PLCB4: variants seen among roughly 807,000 people sequenced by gnomAD.
The protein encoded by PLCB4 is phospholipase C beta 4, also known as 1-phosphatidylinositol 4,5-bisphosphate phosphodiesterase beta-4.
A neutral mutation model predicts 178.8 loss-of-function variants in PLCB4; 77 were observed. The observed-to-expected ratio is 0.43, with a 90% CI of 0.36 to 0.52. The LOEUF (loss-of-function observed/expected upper bound fraction) is 0.52. PLCB4 is among the 20% of genes least tolerant of loss of function. The pLI is 0.00. For missense variants in PLCB4, 1,024 were observed against 1,453.4 expected, an observed-to-expected ratio of 0.70 and a Z score of 4.80; for synonymous variants, 496 against 490.8, an observed-to-expected ratio of 1.01 and a Z score of -0.14.
At chr20:9,083,016 T>C (rs907679801) in intron 1 of PLCB4, among the ~76,000 whole-genome samples, 3 of 152,182 alleles carry the variant, frequency 2.0e-5, no homozygotes, top group Admixed American at 1.3e-4. Context: ...TCCATAAAGA[T>C]TGATGATCAG....
At chr20:9,166,545 C>G (rs1306885108) in intron 2 of PLCB4, 1 of 152,156 alleles carries the variant, frequency 6.6e-6, no homozygotes, top group African/African-American at 2.4e-5. Flanking sequence ...CCGGCTAATT[C>G]ATCCCGAGGC....
chr20:9,348,907 A>G (rs2148142822), intron 7 of PLCB4, among the ~76,000 whole-genome samples: 1 of 152,292 alleles, frequency 6.6e-6, no homozygotes, highest in South Asian at 2.1e-4. Flanking sequence ...CTGCAGCTGC[A>G]CTGACCATGT....
chr20:9,366,238 GA>G (rs35263693), intron 9 of PLCB4, among the ~76,000 whole-genome samples: 13 of 147,678 alleles, frequency 8.8e-5, no homozygotes, highest in African/African-American at 2.2e-4. Flanking sequence ...AATACAAAAA[GA>G]AAAAAAAAAT....
At chr20:9,214,180 T>C (rs1043148564) in intron 2 of PLCB4, among the ~76,000 whole-genome samples, 1 of 152,228 alleles carries the variant, frequency 6.6e-6, no homozygotes, top group Admixed American at 6.5e-5. Flanking sequence ...GAAACCATTG[T>C]TCTGGTCACA....
At chr20:9,395,761 C>G in intron 19 of PLCB4, 143 bp downstream of exon 19, 1 of 562,270 alleles carries the variant, frequency 1.8e-6, no homozygotes, top group Admixed American at 2.9e-5. Flanking sequence ...CCCAGGAGTT[C>G]AAGACCAGCC....
intron 1 of PLCB4, among the ~76,000 whole-genome samples, chr20:9,087,639 C>G (rs1336526532): frequency 6.6e-6 from 1 of 152,174 alleles, no homozygotes; most frequent in East Asian, 1.9e-4. Flanking sequence ...TTTAACTCTC[C>G]TCTCTTCCTC....
At chr20:9,148,994 G>C (rs1200267334) in intron 2 of PLCB4, among the ~76,000 whole-genome samples, 3 of 152,162 alleles carry the variant, frequency 2.0e-5, no homozygotes, top group East Asian at 3.9e-4. Flanking sequence ...AGACAGATCT[G>C]CTTTCTAAAT....
rs572789403 is a variant in PLCB4 at position 9,151,420 on chromosome 20, T to A, written c.-79+55078T>A. Among the ~76,000 whole-genome samples, 60 of 152,228 alleles carry A rather than the reference T, an allele frequency of 3.9e-4. No individual in the cohort carries two copies. In the South Asian group the frequency reaches 0.011, roughly 27 times the overall value. On this transcript the variant is annotated intron_variant, in intron 2 of 39. Transcript: ENST00000378473. ...TTTTATCACCCAGAATTCCCACATG[T>A]GGTGGGAGGGACCCAGGGGGAGGTA...
Position 9,361,094 on chromosome 20 carries a change from C to T in PLCB4, c.370-1802C>T, listed in dbSNP as rs138523017. Among the ~76,000 whole-genome samples, 122 of 152,110 alleles carry T rather than the reference C, an allele frequency of 8.0e-4. 1 individual carries two copies. Among genetic ancestry groups the T allele is most frequent in the African/African-American group, 2.7e-3 (112 of 41,490 alleles). On this transcript the variant is annotated intron_variant, in intron 7 of 39. Coordinates refer to ENST00000378473, the MANE Select transcript of PLCB4 (RefSeq NM_001377142.1). The stretch of plus-strand genomic sequence containing the variant: ...TGGTGGGGGAAAAATGGTATGGCCA[C>T]GATGAAAAACAGTATGGTATTTCCT...
At chr20:9,316,456 G>A (rs2094899959) in intron 4 of PLCB4, among the ~76,000 whole-genome samples, 1 of 152,178 alleles carries the variant, frequency 6.6e-6, no homozygotes, top group Non-Finnish European at 1.5e-5. Context: ...CCGTACAAAG[G>A]ATGATTCGTA....
intron 2 of PLCB4, among the ~76,000 whole-genome samples, chr20:9,128,677 C>T (rs6118501): frequency 9.6e-4 from 146 of 152,312 alleles, no homozygotes; most frequent in African/African-American, 3.3e-3. Context: ...CATGAGCCAC[C>T]GCACCCAGCC....
At chr20:9,200,973 GC>G (rs2093536888) in intron 2 of PLCB4, among the ~76,000 whole-genome samples, 1 of 152,178 alleles carries the variant, frequency 6.6e-6, no homozygotes, top group South Asian at 2.1e-4. Context: ...GATAAGGAAT[GC>G]ATAAAATGAT....
intron 3 of PLCB4, among the ~76,000 whole-genome samples, chr20:9,264,721 T>A (rs763493075): frequency 2.0e-5 from 3 of 152,218 alleles, no homozygotes; most frequent in Non-Finnish European, 4.4e-5. Context: ...GTACTGTTTC[T>A]CAACCTGAGC....
intron 8 of PLCB4, 76 bp downstream of exon 8, chr20:9,363,051 T>C (rs1419431929): frequency 9.3e-7 from 1 of 1,070,408 alleles, no homozygotes; most frequent in East Asian, 2.5e-5. Context: ...GAAGGCTAGG[T>C]GGTTCCTTCC....
At chr20:9,171,449 A>G (rs6056440) in intron 2 of PLCB4, among the ~76,000 whole-genome samples, 30,211 of 152,150 alleles carry the variant, frequency 0.2, 3,092 homozygotes, top group African/African-American at 0.25. Context: ...ACCAGAGACC[A>G]TATTTTGTTA....
intron 2 of PLCB4, among the ~76,000 whole-genome samples, chr20:9,116,146 C>CAT (rs1431028035): frequency 1.7e-4 from 25 of 150,226 alleles, no homozygotes; most frequent in Non-Finnish European, 2.8e-4. Context: ...TGTGTGTGTG[C>CAT]GCGTGTGTGT....
chr20:9,089,283 A>T (rs73609406), intron 1 of PLCB4, among the ~76,000 whole-genome samples: 3,311 of 152,126 alleles, frequency 0.022, 113 homozygotes, highest in African/African-American at 0.074. Context: ...CATGTGCTTT[A>T]TCCTAATTAA....
At chr20:9,087,993 G>T (rs6039386) in intron 1 of PLCB4, among the ~76,000 whole-genome samples, 1 of 151,772 alleles carries the variant, frequency 6.6e-6, no homozygotes, top group African/African-American at 2.4e-5. Flanking sequence ...AACACCATCA[G>T]ACCCCGAGGG....
chr20:9,162,668 T>C (rs372531141), intron 2 of PLCB4, among the ~76,000 whole-genome samples: 34 of 152,322 alleles, frequency 2.2e-4, no homozygotes, highest in African/African-American at 8.2e-4. Flanking sequence ...ACATCCTCCA[T>C]GTTTTTTTCT....
Sources: gnomAD v4.1 joint callset for allele counts (sites outside exome capture counted in the v4.1 genomes callset) on GRCh38, gnomAD v4.1.1 for gene constraint, MANE v1.5 for transcripts, NCBI Gene and HGNC (gene_info 2026-07-23, HGNC 2026-07-21) for gene names.